The following PLCZ1 variants were observed in gnomAD, a reference collection of about 807,000 sequenced individuals.
The protein encoded by PLCZ1 is phospholipase C zeta 1.
In PLCZ1, 64 loss-of-function variants were observed where a neutral mutation model predicts 76.8. The observed-to-expected ratio is 0.83, with a 90% CI of 0.68 to 1.03. The LOEUF (loss-of-function observed/expected upper bound fraction) is 1.03. Among genes scored for constraint, PLCZ1 ranks in the 50% least tolerant of loss-of-function variants. The pLI, the probability that PLCZ1 is intolerant of heterozygous loss-of-function variation, is 0.00. For synonymous variants in PLCZ1, 248 were observed against 230.8 expected (o/e 1.07, Z -0.68); for missense variants, 751 against 713.7 (o/e 1.05, Z -0.60).
chr12:18,736,962 T>TAAA (rs1291249698), intron 2 of PLCZ1, among the ~76,000 whole-genome samples: 26 of 143,320 alleles, frequency 1.8e-4, no homozygotes, highest in African/African-American at 5.5e-4. Context: ...CGAAAAAAAT[T>TAAA]TTTAAAAGCT....
At chr12:18,709,992 T>C (rs1260245693) in intron 6 of PLCZ1, among the ~76,000 whole-genome samples, 1 of 151,948 alleles carries the variant, frequency 6.6e-6, no homozygotes, top group Non-Finnish European at 1.5e-5. Context: ...CTGATTTAAA[T>C]ATGTCGATTT....
intron 13 of PLCZ1, among the ~76,000 whole-genome samples, chr12:18,685,259 CCAAGCAACCAATTTCTGCCAAG>C (rs1268280456): frequency 1.3e-5 from 2 of 151,890 alleles, no homozygotes; most frequent in Non-Finnish European, 2.9e-5. Context: ...ATAAATCATC[CCAAGCAACCAATTTCTGCCAAG>C]CAAGAAATCC....
intron 12 of PLCZ1, among the ~76,000 whole-genome samples, chr12:18,691,878 A>G (rs1483956550): frequency 1.3e-5 from 2 of 152,138 alleles, no homozygotes; most frequent in Admixed American, 6.6e-5. Flanking sequence ...GTTTCCTGCA[A>G]TGGTCAGGAT....
At position 18,712,955 on chromosome 12, in the gene PLCZ1, T is replaced by G; in HGVS notation, c.601A>C (p.Ile201Leu). ...ALVKGCRCLEIDCWDGAQNEP... is the reference protein window; with the variant it reads ...ALVKGCRCLELDCWDGAQNEP... ...TTTTGTGCTCCATCCCAGCAGTCAATCTCCAAACAACGGCATCCTTTCACA... is the reference window on the plus strand; with the variant it reads ...TTTTGTGCTCCATCCCAGCAGTCAAGCTCCAAACAACGGCATCCTTTCACA... Residue 201 changes from isoleucine (I) to leucine (L), a missense_variant, in exon 6 of 15, where the codon ATT becomes CTT. Transcript: ENST00000266505. 1 of 1,613,872 alleles carries G rather than the reference T, an allele frequency of 6.2e-7. No homozygotes were observed.
At chr12:18,717,286 A>T (rs1958097344) in intron 5 of PLCZ1, among the ~76,000 whole-genome samples, 2 of 152,200 alleles carry the variant, frequency 1.3e-5, no homozygotes, top group Admixed American at 6.5e-5. Flanking sequence ...TAATGAAATT[A>T]TAGCTATAAA....
chr12:18,670,052 A>T, the PLCZ1 span, among the ~76,000 whole-genome samples: 8 of 152,158 alleles, frequency 5.3e-5, no homozygotes, highest in Admixed American at 4.6e-4. Context: ...CCTCCCAAAG[A>T]TCCTACCTCC....
the PLCZ1 span, among the ~76,000 whole-genome samples, chr12:18,665,738 C>A: frequency 2.6e-5 from 4 of 151,956 alleles, no homozygotes; most frequent in African/African-American, 9.7e-5. Context: ...AGATCGAGAC[C>A]ATCCTGGACC....
chr12:18,722,666 T>A (rs746018842), intron 4 of PLCZ1, among the ~76,000 whole-genome samples: 1 of 152,084 alleles, frequency 6.6e-6, no homozygotes, highest in South Asian at 2.1e-4. Flanking sequence ...TGAAAAACTG[T>A]GAAGTGTTTT....
At chr12:18,661,384 G>A in the PLCZ1 span, among the ~76,000 whole-genome samples, 2 of 151,876 alleles carry the variant, frequency 1.3e-5, no homozygotes, top group Non-Finnish European at 2.9e-5. Flanking sequence ...AAAAGAGAGA[G>A]AGAGAATCTT....
intron 4 of PLCZ1, among the ~76,000 whole-genome samples, chr12:18,720,216 C>A (rs1958358045): frequency 6.6e-6 from 1 of 151,952 alleles, no homozygotes; most frequent in South Asian, 2.1e-4. Context: ...CATTACTTTA[C>A]AGTATTCCAT....
intron 5 of PLCZ1, among the ~76,000 whole-genome samples, chr12:18,716,889 C>T (rs960261524): frequency 2.0e-5 from 3 of 152,056 alleles, no homozygotes; most frequent in Non-Finnish European, 4.4e-5. Flanking sequence ...ATATTGAATG[C>T]TTTACAGCAG....
chr12:18,677,463 G>C, the PLCZ1 span, among the ~76,000 whole-genome samples: 1 of 152,050 alleles, frequency 6.6e-6, no homozygotes, highest in Non-Finnish European at 1.5e-5. Flanking sequence ...TTAGAAGGCA[G>C]ACTGCTTGGC....
intron 12 of PLCZ1, among the ~76,000 whole-genome samples, chr12:18,690,162 T>C (rs1439963462): frequency 1.3e-5 from 2 of 152,206 alleles, no homozygotes; most frequent in South Asian, 2.1e-4. Flanking sequence ...ATATTGGGCA[T>C]ATACTTTGTG....
the PLCZ1 span, among the ~76,000 whole-genome samples, chr12:18,671,377 A>G: frequency 6.6e-6 from 1 of 152,052 alleles, no homozygotes; most frequent in Non-Finnish European, 1.5e-5. Flanking sequence ...AGAAACAGAC[A>G]CATGTAGGAG....
chr12:18,719,443 CA>C lies in PLCZ1; in HGVS notation c.556del (p.Trp186GlyfsTer4). On this transcript the variant is annotated frameshift_variant, in exon 5 of 15. Transcript: ENST00000266505. LOFTEE classifies it high-confidence loss of function. ...ATAAAATAAATACCTTACATATCCC[CA>C]AAGGTCACTTGGTCCCAATAATTGA... is the stretch of plus-strand genomic sequence containing the variant. The part of the protein sequence containing the change: ...SDQLLGPSDL[W>X]GYVSALVKGC... 6.6e-7 allele frequency: 1 copy of C among 1,513,032 alleles called. No homozygotes were observed. The highest frequency in any genetic ancestry group is 8.9e-7 in the Non-Finnish European group (1 of 1,123,386). 93.7% of individuals were successfully genotyped at this position (1,513,032 alleles called of 1,614,324 possible). A position where few individuals can be genotyped will look rare whatever the true frequency, so the allele number is the denominator to read the frequency against.
chr12:18,666,048 T>C, the PLCZ1 span, among the ~76,000 whole-genome samples: 9 of 151,802 alleles, frequency 5.9e-5, 1 homozygote. Flanking sequence ...TTATTATAAA[T>C]TAAGATATTA....
chr12:18,682,009 T>A (rs147066841), downstream of PLCZ1, among the ~76,000 whole-genome samples: 198 of 152,112 alleles, frequency 1.3e-3, 3 homozygotes, highest in Non-Finnish European at 3.7e-4. Context: ...AGTAGATGAT[T>A]TAAATAAGAT....
chr12:18,727,939 G>A (rs538544262), intron 3 of PLCZ1, among the ~76,000 whole-genome samples: 78 of 152,266 alleles, frequency 5.1e-4, no homozygotes, highest in African/African-American at 1.8e-3. Context: ...GGTGTAGCAA[G>A]TATATGGACC....
chr12:18,709,130 G>C (rs1200567022), intron 6 of PLCZ1, among the ~76,000 whole-genome samples: 3 of 151,936 alleles, frequency 2.0e-5, no homozygotes, highest in South Asian at 2.1e-4. Flanking sequence ...TTCCCTTTTA[G>C]GGTTTTCATA....
Sources: allele counts gnomAD v4.1 joint callset (sites outside exome capture counted in the v4.1 genomes callset), GRCh38; gene constraint gnomAD v4.1.1; transcripts MANE v1.5; gene names NCBI Gene and HGNC (gene_info 2026-07-23, HGNC 2026-07-21).